ZC3H12B: variants seen among roughly 807,000 people sequenced by gnomAD.
ZC3H12B encodes the protein zinc finger CCCH-type containing 12B.
ZC3H12B carries 7 observed loss-of-function variants against 43.9 expected under a neutral mutation model. The observed-to-expected ratio is 0.16, with a 90% CI of 0.09 to 0.30. The LOEUF is 0.30. ZC3H12B is among the 10% of genes least tolerant of loss of function. The pLI, the probability that ZC3H12B is intolerant of heterozygous loss-of-function variation, is 1.00. For missense variants in ZC3H12B, 475 were observed against 670.2 expected, an observed-to-expected ratio of 0.71 and a Z score of 3.22; for synonymous variants, 222 against 241.7, an observed-to-expected ratio of 0.92 and a Z score of 0.76.
the ZC3H12B span, among the ~76,000 whole-genome samples, chrX:65,344,979 T>C: frequency 1.8e-5 from 2 of 112,013 alleles, no homozygotes; most frequent in Non-Finnish European, 3.8e-5. Flanking sequence ...CATTAGAGAA[T>C]GCAAATCAAA....
chrX:65,444,727 G>A (rs889397944), intron 3 of ZC3H12B, among the ~76,000 whole-genome samples: 1 of 111,764 alleles, frequency 8.9e-6, no homozygotes, highest in Non-Finnish European at 1.9e-5. Context: ...CAGTTTGAAG[G>A]GCTCAGAAGA....
At chrX:65,339,352 G>A in the ZC3H12B span, among the ~76,000 whole-genome samples, 1 of 111,714 alleles carries the variant, frequency 9.0e-6, no homozygotes, top group African/African-American at 3.3e-5. Flanking sequence ...TGGGGAAATG[G>A]GTGAATTGAA....
At chrX:65,430,701 C>T (rs1007377062) in intron 3 of ZC3H12B, among the ~76,000 whole-genome samples, 1 of 109,958 alleles carries the variant, frequency 9.1e-6, no homozygotes, top group African/African-American at 3.3e-5. Flanking sequence ...GCATAGTATT[C>T]CATGGTGTAT....
the ZC3H12B span, among the ~76,000 whole-genome samples, chrX:65,194,017 G>A: frequency 1.8e-5 from 2 of 109,975 alleles, no homozygotes; most frequent in African/African-American, 6.6e-5. Flanking sequence ...GAAGAAGGGT[G>A]GAGTTGTCAC....
the ZC3H12B span, among the ~76,000 whole-genome samples, chrX:65,153,385 A>G: frequency 8.9e-6 from 1 of 112,323 alleles, no homozygotes. Context: ...ACAAATTTAC[A>G]AGAAAAAAAC....
chrX:65,278,489 A>G, the ZC3H12B span, among the ~76,000 whole-genome samples: 2 of 111,950 alleles, frequency 1.8e-5, no homozygotes, highest in South Asian at 3.7e-4. Context: ...TGCTCTGCCT[A>G]TGGAATAGCC....
intron 1 of ZC3H12B, among the ~76,000 whole-genome samples, chrX:65,496,295 T>C (rs2068280187): frequency 8.9e-6 from 1 of 112,369 alleles, no homozygotes; most frequent in Non-Finnish European, 1.9e-5. Context: ...GAATTTTCAG[T>C]GAGCATTTAT....
the ZC3H12B span, among the ~76,000 whole-genome samples, chrX:65,103,135 C>A: frequency 9.0e-6 from 1 of 111,236 alleles, no homozygotes; most frequent in African/African-American, 3.3e-5. Context: ...GGCCTGGGAG[C>A]ACTATGGGAG....
the ZC3H12B span, among the ~76,000 whole-genome samples, chrX:65,319,975 G>A: frequency 9.0e-6 from 1 of 111,010 alleles, no homozygotes; most frequent in Non-Finnish European, 1.9e-5. Flanking sequence ...CATATTGAAT[G>A]GACAAAAGCT....
chrX:65,362,171 G>A, upstream of ZC3H12B, among the ~76,000 whole-genome samples: 1 of 111,916 alleles, frequency 8.9e-6, no homozygotes, highest in East Asian at 2.8e-4. Context: ...GATCTTCTCG[G>A]CTTAGTGGCT....
the ZC3H12B span, among the ~76,000 whole-genome samples, chrX:65,360,327 T>C: frequency 8.9e-6 from 1 of 112,465 alleles, no homozygotes. Flanking sequence ...TTATATGAAT[T>C]AAACTTCAAT....
chrX:65,293,858 T>C, the ZC3H12B span, among the ~76,000 whole-genome samples: 2 of 111,566 alleles, frequency 1.8e-5, no homozygotes, highest in Admixed American at 1.9e-4. Flanking sequence ...TGAAATTATG[T>C]TGAATGACCA....
upstream of ZC3H12B, among the ~76,000 whole-genome samples, chrX:65,362,595 A>T (rs2147964159): frequency 9.1e-6 from 1 of 109,698 alleles, no homozygotes; most frequent in East Asian, 2.9e-4. Context: ...CTTAACCCAC[A>T]AGTATAGGAC....
At chrX:65,080,827 A>G in the ZC3H12B span, among the ~76,000 whole-genome samples, 1 of 111,894 alleles carries the variant, frequency 8.9e-6, no homozygotes, top group Non-Finnish European at 1.9e-5. Flanking sequence ...AAAAACACAG[A>G]ATATTATAAC....
the ZC3H12B span, among the ~76,000 whole-genome samples, chrX:65,153,507 A>T: frequency 4.4e-5 from 5 of 112,635 alleles, no homozygotes; most frequent in African/African-American, 1.3e-4. Flanking sequence ...CATCAGAGAA[A>T]TGCAAATCAA....
chrX:65,053,601 A>C, the ZC3H12B span, among the ~76,000 whole-genome samples: 1 of 111,661 alleles, frequency 9.0e-6, no homozygotes, highest in Non-Finnish European at 1.9e-5. Flanking sequence ...AGCATGATTT[A>C]TACTCCTCTG....
the ZC3H12B span, among the ~76,000 whole-genome samples, chrX:65,147,870 G>C: frequency 9.0e-6 from 1 of 110,621 alleles, no homozygotes; most frequent in Non-Finnish European, 1.9e-5. Flanking sequence ...CTGGCCTTGA[G>C]CATGGGGCTA....
At chrX:65,251,161 G>A in the ZC3H12B span, among the ~76,000 whole-genome samples, 1 of 111,804 alleles carries the variant, frequency 8.9e-6, no homozygotes, top group Admixed American at 9.5e-5. Flanking sequence ...CATATGGCTA[G>A]CCAGTTTTCC....
At chrX:65,156,670 C>G in the ZC3H12B span, among the ~76,000 whole-genome samples, 2 of 110,975 alleles carry the variant, frequency 1.8e-5, no homozygotes, top group African/African-American at 3.3e-5. Flanking sequence ...CATGAGCCAC[C>G]GCACAAGGCC....
Sources: gnomAD v4.1 joint callset for allele counts (sites outside exome capture counted in the v4.1 genomes callset) on GRCh38, gnomAD v4.1.1 for gene constraint, MANE v1.5 for transcripts, NCBI Gene and HGNC (gene_info 2026-07-23, HGNC 2026-07-21) for gene names.